Variants in ABRAXAS2 observed in about 807,000 individuals in gnomAD.
The protein encoded by ABRAXAS2 is abraxas 2, BRISC complex subunit.
Under a neutral mutation model 49.0 loss-of-function variants are expected in ABRAXAS2, and 23 were observed. The observed-to-expected ratio is 0.47, with a 90% CI of 0.34 to 0.66. The LOEUF (loss-of-function observed/expected upper bound fraction) is 0.66, where lower values mean the gene tolerates loss of function less well. Ranked by LOEUF, ABRAXAS2 falls within the 30% of genes least tolerant of loss-of-function variation. The probability of loss-of-function intolerance (pLI) is 0.01; values close to 1 mark genes in which losing one functional copy is unlikely to be tolerated. For synonymous variants in ABRAXAS2, 168 were observed against 180.2 expected (o/e 0.93, Z 0.54); for missense variants, 443 against 511.9 (o/e 0.87, Z 1.30).
intron 1 of ABRAXAS2, among the ~76,000 whole-genome samples, chr10:124,802,644 G>A (rs1427244928): frequency 2.6e-5 from 4 of 152,130 alleles, no homozygotes; most frequent in Non-Finnish European, 5.9e-5. Context: ...GTCTTTTAAC[G>A]TCATTGGCCT....
At chr10:124,824,534 C>CA (rs531680713) in intron 4 of ABRAXAS2, among the ~76,000 whole-genome samples, 6,527 of 77,754 alleles carry the variant, frequency 0.084, 224 homozygotes, top group Admixed American at 0.19. Flanking sequence ...TCTCAAAAAC[C>CA]AAAAAAAAAA....
intron 6 of ABRAXAS2, 56 bp from the exon 7 acceptor site, chr10:124,829,337 C>T (rs1190450158): frequency 8.3e-7 from 1 of 1,211,004 alleles, no homozygotes; most frequent in African/African-American, 1.5e-5. Context: ...AAATGCCTTT[C>T]CATTTCACCG....
intron 1 of ABRAXAS2, 58 bp from the exon 2 acceptor site, chr10:124,806,762 ATTCCTCTTAAT>A (rs1443999374): frequency 1.9e-6 from 2 of 1,029,610 alleles, no homozygotes; most frequent in African/African-American, 3.3e-5. Context: ...TATGTCCTCA[ATTCCTCTTAAT>A]TTCAGTAAAA....
chr10:124,803,865 C>T (rs1589800921), intron 1 of ABRAXAS2, among the ~76,000 whole-genome samples: 2 of 152,310 alleles, frequency 1.3e-5, no homozygotes, highest in Middle Eastern at 3.4e-3. Flanking sequence ...CGCGCCATTG[C>T]ACTCCAGCCT....
At chr10:124,822,681 A>ACT (rs1183302408) in intron 4 of ABRAXAS2, among the ~76,000 whole-genome samples, 1 of 151,696 alleles carries the variant, frequency 6.6e-6, no homozygotes, top group African/African-American at 2.4e-5. Flanking sequence ...AATCCCAGCT[A>ACT]CTCGGAAGCC....
intron 2 of ABRAXAS2, among the ~76,000 whole-genome samples, chr10:124,814,112 C>T (rs1218775476): frequency 6.6e-6 from 1 of 151,876 alleles, no homozygotes; most frequent in Non-Finnish European, 1.5e-5. Flanking sequence ...CTGCCTCAGT[C>T]CCGCAAGTAG....
chr10:124,814,170 T>C (rs1950808390), intron 2 of ABRAXAS2, among the ~76,000 whole-genome samples: 1 of 151,866 alleles, frequency 6.6e-6, no homozygotes. Context: ...TTTGTATTTT[T>C]AGTAGAGATG....
Position 124,810,082 on chromosome 10 carries a change from A to T in ABRAXAS2, c.163+3161A>T, listed in dbSNP as rs559926373. Among the ~76,000 whole-genome samples, 9 of 152,228 alleles carry T rather than the reference A, an allele frequency of 5.9e-5. No homozygotes were observed. In the East Asian group the frequency reaches 1.5e-3, roughly 26 times the overall value. ...TGATATTTTTTTGAAATTTTTTTTA[A>T]GCTCATCAGCTAGTGTTAGTATATT... On this transcript the variant is annotated intron_variant, in intron 2 of 8. Coordinates refer to ENST00000298492, the MANE Select transcript of ABRAXAS2 (RefSeq NM_032182.4).
chr10:124,809,685 T>G (rs553456276), intron 2 of ABRAXAS2, among the ~76,000 whole-genome samples: 2 of 152,170 alleles, frequency 1.3e-5, no homozygotes, highest in South Asian at 4.2e-4. Flanking sequence ...GTAGGGTGCA[T>G]GCAGCCCATG....
chr10:124,811,446 G>T (rs1950787125), intron 2 of ABRAXAS2, among the ~76,000 whole-genome samples: 1 of 150,444 alleles, frequency 6.6e-6, no homozygotes, highest in South Asian at 2.1e-4. Context: ...AAAGAAATAG[G>T]GCCGGGCACG....
intron 4 of ABRAXAS2, among the ~76,000 whole-genome samples, chr10:124,825,611 A>G (rs1041330742): frequency 6.6e-5 from 10 of 152,210 alleles, no homozygotes; most frequent in African/African-American, 2.4e-4. Context: ...TGAAAATGTC[A>G]AAACAATCTC....
In ABRAXAS2 at chr10:124,825,317, C is replaced by CAAA. The variant is rs34358193; in HGVS notation, c.268-1258_268-1256dup. Among the ~76,000 whole-genome samples the CAAA allele has an allele frequency of 4.7e-3, 486 of 103,688 alleles. 6 individuals are homozygous for CAAA. The highest frequency in any genetic ancestry group is 5.9e-3 in the Non-Finnish European group (330 of 55,668). 68.0% of individuals were successfully genotyped at this position (103,688 alleles called of 152,430 possible). On this transcript the variant is annotated intron_variant, in intron 4 of 8. Coordinates refer to ENST00000298492, the MANE Select transcript of ABRAXAS2 (RefSeq NM_032182.4). ...TGAGTGACAAAGCAAGACTCTGTCTCAAAAAAAAAAAAAAAAAAAAAATTA... is the reference window on the plus strand; with the variant it reads ...TGAGTGACAAAGCAAGACTCTGTCTCAAAAAAAAAAAAAAAAAAAAAAAAATTA...
chr10:124,834,831 G>A lies in ABRAXAS2; in HGVS notation c.1108G>A (p.Glu370Lys). The A allele has an allele frequency of 6.2e-7, 1 of 1,614,132 alleles. No homozygotes were observed. Among genetic ancestry groups the A allele is most frequent in the Non-Finnish European group, 8.5e-7 (1 of 1,180,036 alleles). ...PPQRAAGDSGEDSDDSDYENL... is the reference protein window; with the variant it reads ...PPQRAAGDSGKDSDDSDYENL... Reference sequence around the variant, plus strand: ...CCAAAGAGCAGCTGGAGACAGTGGTGAGGATTCAGACGACAGTGATTATGA... The same window carrying A: ...CCAAAGAGCAGCTGGAGACAGTGGTAAGGATTCAGACGACAGTGATTATGA... Residue 370 changes from glutamate (E) to lysine (K), a missense_variant, in exon 9 of 9, where the codon GAG (glutamate) becomes AAG (lysine). Coordinates refer to ENST00000298492, the MANE Select transcript of ABRAXAS2 (RefSeq NM_032182.4).
intron 2 of ABRAXAS2, among the ~76,000 whole-genome samples, chr10:124,812,255 A>G (rs764595167): frequency 3.9e-5 from 6 of 152,206 alleles, no homozygotes; most frequent in Non-Finnish European, 7.3e-5. Flanking sequence ...TCTTTAACTT[A>G]TTAGCGATGT....
At chr10:124,809,251 T>G (rs1950768644) in intron 2 of ABRAXAS2, among the ~76,000 whole-genome samples, 1 of 152,226 alleles carries the variant, frequency 6.6e-6, no homozygotes, top group South Asian at 2.1e-4. Context: ...GATAGGCTTC[T>G]AGTATGTGGG....
chr10:124,826,857 T>C, intron 5 of ABRAXAS2, 72 bp downstream of exon 5: 3 of 1,418,744 alleles, frequency 2.1e-6, no homozygotes, highest in Non-Finnish European at 2.9e-6. Flanking sequence ...CTTACGCCTG[T>C]AATCCCAGCA....
rs537420532 is a variant in ABRAXAS2, at chr10:124,802,666, T to G, written c.72+765T>G. ...AACGTCATTGGCCTCTGATTGGAAA[T>G]GCTTTGTGAAACTAGATCACTTCTC... On this transcript the variant is annotated intron_variant, in intron 1 of 8. Coordinates refer to ENST00000298492, the MANE Select transcript of ABRAXAS2 (RefSeq NM_032182.4). 2.6e-5 allele frequency among the ~76,000 whole-genome samples: 4 copies of G among 152,328 alleles called. No homozygotes were observed. In the East Asian group the frequency reaches 7.7e-4, roughly 29 times the overall value.
At chr10:124,829,538 C>T (rs1950917597) in intron 7 of ABRAXAS2, 61 bp downstream of exon 7, 2 of 1,160,768 alleles carry the variant, frequency 1.7e-6, no homozygotes, top group African/African-American at 3.1e-5. Flanking sequence ...TTTAATTCTA[C>T]TTTAATTTTG....
rs764945547 is a variant in ABRAXAS2, at chr10:124,834,780, G to A, written c.1057G>A (p.Gly353Arg). Residue 353 changes from glycine to arginine, a missense_variant, in exon 9 of 9, where the codon GGA becomes AGA. Physicochemically the swap from Gly to Arg is moderately radical, Grantham distance 125. Transcript: ENST00000298492. The stretch of plus-strand genomic sequence containing the variant: ...CACCAGTGCCGGACTGAAGTATCCT[G>A]GAAGTGGGGCTGACCTTCCTCCTCC... ...ASTSAGLKYP[G>R]SGADLPPPQR... 2 of 1,614,146 alleles carry A rather than the reference G, an allele frequency of 1.2e-6. No individual in the cohort carries two copies.
Sources: gnomAD v4.1 joint callset for allele counts (sites outside exome capture counted in the v4.1 genomes callset) on GRCh38, gnomAD v4.1.1 for gene constraint, MANE v1.5 for transcripts, NCBI Gene and HGNC (gene_info 2026-07-23, HGNC 2026-07-21) for gene names.